Variants in GABRB1 observed in about 807,000 individuals in gnomAD.
GABRB1 encodes the protein gamma-aminobutyric acid type A receptor subunit beta1.
In GABRB1, 17 loss-of-function variants were observed where a neutral mutation model predicts 51.6. That is an observed-to-expected ratio of 0.33 (90% CI 0.23 to 0.49). The LOEUF is 0.49. Ranked by LOEUF, GABRB1 falls within the 20% of genes least tolerant of loss-of-function variation. GABRB1 has a pLI of 0.99. For synonymous variants in GABRB1, 247 were observed against 218.9 expected (o/e 1.13, Z -1.14); for missense variants, 410 against 600.6 (o/e 0.68, Z 3.32).
At chr4:47,390,393 A>G (rs1300832395) in intron 5 of GABRB1, among the ~76,000 whole-genome samples, 1 of 152,262 alleles carries the variant, frequency 6.6e-6, no homozygotes, top group African/African-American at 2.4e-5. Flanking sequence ...GTACAAGACT[A>G]GACCATCCCC....
At chr4:47,424,150 A>T (rs1729185003) in intron 8 of GABRB1, among the ~76,000 whole-genome samples, 2 of 152,204 alleles carry the variant, frequency 1.3e-5, no homozygotes, top group South Asian at 4.1e-4. Context: ...TAAAGCTAAC[A>T]AATGCATTAC....
intron 4 of GABRB1, among the ~76,000 whole-genome samples, chr4:47,203,659 C>A (rs1435725794): frequency 6.6e-6 from 1 of 152,056 alleles, no homozygotes; most frequent in Non-Finnish European, 1.5e-5. Context: ...CTGGTGGCAA[C>A]CCTCATTTGT....
At chr4:47,004,880 T>C (rs749858108) in intron 1 of GABRB1, among the ~76,000 whole-genome samples, 2 of 152,250 alleles carry the variant, frequency 1.3e-5, no homozygotes, top group Non-Finnish European at 2.9e-5. Flanking sequence ...GTTTAATACT[T>C]ATAGTTTCAA....
chr4:47,120,797 T>C (rs1254946854), intron 3 of GABRB1, among the ~76,000 whole-genome samples: 1 of 152,172 alleles, frequency 6.6e-6, no homozygotes, highest in Non-Finnish European at 1.5e-5. Flanking sequence ...AGTGGGGTCC[T>C]CATGACTCTG....
At chr4:47,089,471 A>G (rs1728210544) in intron 3 of GABRB1, among the ~76,000 whole-genome samples, 1 of 152,184 alleles carries the variant, frequency 6.6e-6, no homozygotes, top group Non-Finnish European at 1.5e-5. Flanking sequence ...TCTCTACTTT[A>G]TATGCATCAC....
chr4:47,013,571 C>T (rs188582315), intron 1 of GABRB1, among the ~76,000 whole-genome samples: 3 of 152,296 alleles, frequency 2.0e-5, no homozygotes, highest in Non-Finnish European at 4.4e-5. Flanking sequence ...AATGCTGTTT[C>T]ATCAGTTTAT....
intron 4 of GABRB1, among the ~76,000 whole-genome samples, chr4:47,213,264 C>G (rs1002593861): frequency 1.3e-5 from 2 of 152,156 alleles, no homozygotes; most frequent in African/African-American, 4.8e-5. Flanking sequence ...GGAAGCCAGA[C>G]AAGCTGCTAT....
chr4:47,000,887 G>A (rs1724158124), intron 1 of GABRB1, among the ~76,000 whole-genome samples: 2 of 152,294 alleles, frequency 1.3e-5, no homozygotes, highest in Admixed American at 1.3e-4. Flanking sequence ...ATTGGTCAGA[G>A]CAGGTAACAG....
At chr4:47,054,459 G>A (rs1273910156) in intron 3 of GABRB1, among the ~76,000 whole-genome samples, 1 of 152,170 alleles carries the variant, frequency 6.6e-6, no homozygotes, top group African/African-American at 2.4e-5. Flanking sequence ...TTCATGAATA[G>A]CAGCAGGTGT....
At chr4:47,196,619 C>A (rs1452077752) in intron 4 of GABRB1, among the ~76,000 whole-genome samples, 1 of 152,100 alleles carries the variant, frequency 6.6e-6, no homozygotes. Flanking sequence ...CAGAAGTGCC[C>A]TGGGAAGAAA....
At chr4:47,146,539 T>C (rs1717177984) in intron 3 of GABRB1, among the ~76,000 whole-genome samples, 1 of 152,086 alleles carries the variant, frequency 6.6e-6, no homozygotes. Context: ...CCTTAGGGAA[T>C]TCCAGGCCAC....
At chr4:47,130,323 T>G (rs1716352669) in intron 3 of GABRB1, among the ~76,000 whole-genome samples, 2 of 131,558 alleles carry the variant, frequency 1.5e-5, no homozygotes, top group Non-Finnish European at 1.6e-5. Flanking sequence ...GGGCTCCAGA[T>G]ACTGTGTGTG....
At chr4:47,313,674 A>G (rs911885422) in intron 4 of GABRB1, among the ~76,000 whole-genome samples, 3 of 152,134 alleles carry the variant, frequency 2.0e-5, no homozygotes, top group African/African-American at 7.2e-5. Flanking sequence ...CTTAACCATA[A>G]GCATTACAGA....
intron 1 of GABRB1, among the ~76,000 whole-genome samples, chr4:47,002,416 G>T (rs1180075684): frequency 6.6e-6 from 1 of 152,038 alleles, no homozygotes; most frequent in Admixed American, 6.6e-5. Context: ...TGATATGAAG[G>T]AATTCCTCTT....
intron 3 of GABRB1, 42 bp downstream of exon 3, chr4:47,032,526 G>T (rs1371587682): frequency 6.3e-7 from 1 of 1,575,450 alleles, no homozygotes; most frequent in Non-Finnish European, 8.7e-7. Flanking sequence ...GGCTTACGCA[G>T]ATGGGAAATG....
At chr4:47,321,760 C>T (rs1725094597) in intron 5 of GABRB1, among the ~76,000 whole-genome samples, 1 of 96,972 alleles carries the variant, frequency 1.0e-5, no homozygotes, top group African/African-American at 4.3e-5. Flanking sequence ...CTTGAGCACT[C>T]TTCCATTGAC....
chr4:47,407,900 T>G (rs1177306210), intron 8 of GABRB1, among the ~76,000 whole-genome samples: 1 of 152,174 alleles, frequency 6.6e-6, no homozygotes, highest in African/African-American at 2.4e-5. Flanking sequence ...GAGACCAGCC[T>G]GGGCAACATG....
intron 3 of GABRB1, among the ~76,000 whole-genome samples, chr4:47,096,469 T>A (rs1305632253): frequency 1.3e-5 from 2 of 152,190 alleles, no homozygotes; most frequent in African/African-American, 4.8e-5. Context: ...TGCAGTAAAC[T>A]GGTTCGGTAG....
chr4:47,362,498 T>G (rs1043571516), intron 5 of GABRB1, among the ~76,000 whole-genome samples: 2 of 152,150 alleles, frequency 1.3e-5, no homozygotes, highest in African/African-American at 4.8e-5. Flanking sequence ...GTTATAAAAT[T>G]CGAGCATTTT....
Sources: gnomAD v4.1 joint callset for allele counts (sites outside exome capture counted in the v4.1 genomes callset) on GRCh38, gnomAD v4.1.1 for gene constraint, MANE v1.5 for transcripts, NCBI Gene and HGNC (gene_info 2026-07-23, HGNC 2026-07-21) for gene names.